Variants in NDUFAF7 observed in about 807,000 individuals in gnomAD.
NDUFAF7 encodes the protein protein arginine methyltransferase NDUFAF7, mitochondrial.
In NDUFAF7, 48 loss-of-function variants were observed where a neutral mutation model predicts 47.2. That is an observed-to-expected ratio of 1.02 (90% CI 0.81 to 1.29). The LOEUF (loss-of-function observed/expected upper bound fraction) is 1.29. NDUFAF7 is among the 50% of genes most tolerant of loss of function. The pLI, the probability that NDUFAF7 is intolerant of heterozygous loss-of-function variation, is 0.00. For synonymous variants in NDUFAF7, 217 were observed against 190.0 expected (o/e 1.14, Z -1.17); for missense variants, 635 against 537.6 (o/e 1.18, Z -1.79).
intron 7 of NDUFAF7, among the ~76,000 whole-genome samples, chr2:37,245,598 C>G (rs977806792): frequency 1.3e-5 from 2 of 152,162 alleles, no homozygotes. Context: ...CTAATAGGGT[C>G]TGCTTCGTGT....
downstream of NDUFAF7, among the ~76,000 whole-genome samples, chr2:37,249,365 A>G (rs1667266193): frequency 1.3e-5 from 2 of 152,072 alleles, no homozygotes; most frequent in Non-Finnish European, 2.9e-5. Context: ...TGTAGTTCAA[A>G]TATGAGTTGG....
the NDUFAF7 span, chr2:37,260,102 T>G: frequency 2.4e-6 from 2 of 835,400 alleles, no homozygotes. Context: ...GAGGCAGAGG[T>G]TGCAGTGAGC....
At chr2:37,271,248 G>T in the NDUFAF7 span, among the ~76,000 whole-genome samples, 2 of 151,928 alleles carry the variant, frequency 1.3e-5, no homozygotes, top group East Asian at 1.9e-4. Context: ...TAGTCCAGGG[G>T]TTAGCAAACT....
chr2:37,243,655 AGCGTCATCTCT>A (rs1324859414), intron 6 of NDUFAF7, among the ~76,000 whole-genome samples, 197 bp from the exon 7 acceptor site: 10 of 152,122 alleles, frequency 6.6e-5, no homozygotes. Context: ...TATCTTCCAC[AGCGTCATCTCT>A]GTTATTGTTT....
chr2:37,244,102 T>A (rs1301889647), intron 7 of NDUFAF7, 129 bp downstream of exon 7: 3 of 782,616 alleles, frequency 3.8e-6, no homozygotes, highest in East Asian at 5.4e-5. Context: ...CGAGGTGCTT[T>A]TTATTGACAG....
downstream of NDUFAF7, chr2:37,254,364 C>T: frequency 7.3e-6 from 8 of 1,098,392 alleles, no homozygotes; most frequent in Non-Finnish European, 1.1e-5. Flanking sequence ...GCCTAGAAGG[C>T]AGTTCAACCC....
At chr2:37,253,102 CTACAAAGAA>C, downstream of NDUFAF7, 2 of 1,419,852 alleles carry the variant, frequency 1.4e-6, no homozygotes, top group East Asian at 4.6e-5. Context: ...AGATGACAAT[CTACAAAGAA>C]CAAGTTACAC....
downstream of NDUFAF7, chr2:37,254,245 G>A (rs759062988): frequency 2.5e-6 from 4 of 1,613,230 alleles, no homozygotes; most frequent in East Asian, 2.2e-5. Context: ...ACACTGTAAC[G>A]TTTTCTCATC....
intron 4 of NDUFAF7, 148 bp from the exon 5 acceptor site, chr2:37,241,430 T>A: frequency 1.5e-6 from 1 of 675,768 alleles, no homozygotes; most frequent in South Asian, 1.8e-5. Context: ...AGGATTCTTA[T>A]AGACTGCTGG....
downstream of NDUFAF7, among the ~76,000 whole-genome samples, chr2:37,255,948 A>T (rs1667899990): frequency 1.3e-5 from 2 of 152,200 alleles, no homozygotes; most frequent in African/African-American, 2.4e-5. Flanking sequence ...CAGGAAGTCG[A>T]GGCTGCAGTG....
At chr2:37,244,976 A>T (rs1279720565) in intron 7 of NDUFAF7, among the ~76,000 whole-genome samples, 1 of 152,220 alleles carries the variant, frequency 6.6e-6, no homozygotes, top group Non-Finnish European at 1.5e-5. Context: ...AATACATGTC[A>T]TCTTGAAGAG....
At chr2:37,260,143 G>A in the NDUFAF7 span, 1 of 1,304,462 alleles carries the variant, frequency 7.7e-7, no homozygotes, top group Non-Finnish European at 1.1e-6. Context: ...CAGCCCAGGT[G>A]ACAGAGTAAG....
At chr2:37,252,728 T>C (rs1355852826), downstream of NDUFAF7, 1 of 151,926 alleles carries the variant, frequency 6.6e-6, no homozygotes. Flanking sequence ...ACCTCTTAAA[T>C]ACAAGCCTGT....
At chr2:37,254,755 A>C (rs904668267), downstream of NDUFAF7, among the ~76,000 whole-genome samples, 4 of 152,206 alleles carry the variant, frequency 2.6e-5, no homozygotes, top group Admixed American at 2.6e-4. Context: ...CCAATGCTAG[A>C]GAGCACTCTA....
intron 8 of NDUFAF7, 21 bp downstream of exon 8, chr2:37,246,216 T>G (rs1457069803): frequency 1.9e-6 from 3 of 1,612,990 alleles, no homozygotes; most frequent in Non-Finnish European, 2.5e-6. Flanking sequence ...TTCAGTAACA[T>G]GATTTATCAG....
At chr2:37,267,080 A>T in the NDUFAF7 span, among the ~76,000 whole-genome samples, 1 of 152,224 alleles carries the variant, frequency 6.6e-6, no homozygotes, top group African/African-American at 2.4e-5. Flanking sequence ...TAAAAGGTAC[A>T]TAATTTTAAA....
chr2:37,267,354 A>C, the NDUFAF7 span: 2 of 1,083,522 alleles, frequency 1.8e-6, no homozygotes, highest in Non-Finnish European at 2.6e-6. Context: ...CTTAAAAAAA[A>C]AAAAAAAAGA....
intron 3 of NDUFAF7, 32 bp downstream of exon 3, chr2:37,236,208 A>G: frequency 1.3e-6 from 2 of 1,494,830 alleles, no homozygotes; most frequent in South Asian, 2.3e-5. Flanking sequence ...GAATGAAGCT[A>G]ATATAAACAT....
downstream of NDUFAF7, chr2:37,256,534 G>A (rs1170961720): frequency 1.6e-6 from 2 of 1,214,344 alleles, no homozygotes; most frequent in East Asian, 5.2e-5. Context: ...GTTGAATTTG[G>A]AAGATGAATG....
Sources: allele counts gnomAD v4.1 joint callset (sites outside exome capture counted in the v4.1 genomes callset), GRCh38; gene constraint gnomAD v4.1.1; transcripts MANE v1.5; gene names NCBI Gene and HGNC (gene_info 2026-07-23, HGNC 2026-07-21).